Variants in ALOX5 observed in about 807,000 individuals in gnomAD.
The protein encoded by ALOX5 is arachidonate 5-lipoxygenase, also known as polyunsaturated fatty acid 5-lipoxygenase.
In ALOX5, 64 loss-of-function variants were observed where a neutral mutation model predicts 87.9. The ratio of observed to expected loss-of-function variants is 0.73; its 90% CI spans 0.60 to 0.90. The LOEUF (loss-of-function observed/expected upper bound fraction) is 0.90. Ranked by LOEUF, ALOX5 falls within the 40% of genes least tolerant of loss-of-function variation. The probability of loss-of-function intolerance (pLI) is 0.00; values close to 1 mark genes in which losing one functional copy is unlikely to be tolerated. For missense variants in ALOX5, 822 were observed against 907.5 expected, an observed-to-expected ratio of 0.91 and a Z score of 1.21; for synonymous variants, 388 against 355.1, an observed-to-expected ratio of 1.09 and a Z score of -1.04.
rs746702651 is a variant in ALOX5 at position 45,445,520 on chromosome 10, A to G, written c.1858A>G (p.Met620Val). 16 of 1,613,718 alleles carry G rather than the reference A, an allele frequency of 9.9e-6. 1 individual carries two copies. In the Admixed American group the frequency reaches 2.7e-4, roughly 27 times the overall value. ...TCTGGGCCCTCAGCTGTTCCTGGGC[A>G]TGTACCCAGAAGAGCATTTTATCGA... ...QFQENELFLG[M>V]YPEEHFIEKP... The change falls in exon 14 of 14, where the codon ATG becomes GTG. Residue 620 changes from methionine (M) to valine (V), a missense_variant. Met to Val is a conservative substitution (Grantham distance 21). Coordinates refer to ENST00000374391, the MANE Select transcript of ALOX5 (RefSeq NM_000698.5).
At chr10:45,379,756 G>A (rs1839763181) in intron 1 of ALOX5, among the ~76,000 whole-genome samples, 1 of 152,152 alleles carries the variant, frequency 6.6e-6, no homozygotes, top group Admixed American at 6.5e-5. Context: ...GGTCCTGCAA[G>A]TGAGGGGTAT....
At chr10:45,403,553 T>A (rs1022902782) in intron 3 of ALOX5, among the ~76,000 whole-genome samples, 1 of 152,180 alleles carries the variant, frequency 6.6e-6, no homozygotes, top group Non-Finnish European at 1.5e-5. Flanking sequence ...TACAGGTGTT[T>A]TGTACATTTT....
At chr10:45,383,956 C>T (rs906711794) in intron 2 of ALOX5, among the ~76,000 whole-genome samples, 3 of 152,130 alleles carry the variant, frequency 2.0e-5, no homozygotes, top group Non-Finnish European at 4.4e-5. Context: ...CCCAAGGTCT[C>T]GGTTATGAAG....
At chr10:45,440,075 G>A (rs968539952) in intron 7 of ALOX5, among the ~76,000 whole-genome samples, 2 of 152,184 alleles carry the variant, frequency 1.3e-5, no homozygotes, top group African/African-American at 4.8e-5. Flanking sequence ...AAGGAGGGAA[G>A]AGGGGGACAG....
chr10:45,394,309 C>A (rs1275091390), intron 2 of ALOX5, among the ~76,000 whole-genome samples: 1 of 152,224 alleles, frequency 6.6e-6, no homozygotes, highest in Non-Finnish European at 1.5e-5. Context: ...CACACATCTA[C>A]AACCATCTGA....
At position 45,444,106 on chromosome 10, in the gene ALOX5, G is replaced by C; in HGVS notation, c.1675-10G>C. 6.6e-7 allele frequency: 1 copy of C among 1,525,316 alleles called. No individual in the cohort carries two copies. The highest frequency in any genetic ancestry group is 1.2e-5 in the South Asian group (1 of 82,112). The allele number at this position is 1,525,316 out of a possible 1,614,324, so 94.5% of individuals were successfully genotyped here. The stretch of plus-strand genomic sequence containing the variant: ...GGGGTGCCCACGCTTGCTGGCGGTC[G>C]TCTCCGCAGTACGACTGGTGCTCCT... On this transcript the variant is annotated splice_polypyrimidine_tract_variant and intron_variant, in intron 12 of 13. Coordinates refer to ENST00000374391, the MANE Select transcript of ALOX5 (RefSeq NM_000698.5).
At chr10:45,379,438 TC>T (rs1334738035) in intron 1 of ALOX5, among the ~76,000 whole-genome samples, 1 of 152,148 alleles carries the variant, frequency 6.6e-6, no homozygotes, top group East Asian at 1.9e-4. Flanking sequence ...CCTCCCACTC[TC>T]CCTCTGTCCT....
chr10:45,425,647 G>A lies in ALOX5; in HGVS notation c.834+515G>A, dbSNP rs1309840214. On this transcript the variant is annotated intron_variant, in intron 6 of 13. Transcript: ENST00000374391. The surrounding 1 kb of genome is among the most constrained non-coding windows in gnomAD (Gnocchi z 4.4). ...CGCACCCTCCTCCCCACCCTCACCTGCAGACTCAGCTGCCTCCGGCTGCAA... is the reference window on the plus strand; with the variant it reads ...CGCACCCTCCTCCCCACCCTCACCTACAGACTCAGCTGCCTCCGGCTGCAA... Among the ~76,000 whole-genome samples, 1 of 152,194 alleles carries A rather than the reference G, an allele frequency of 6.6e-6. No homozygotes were observed. Among genetic ancestry groups the A allele is most frequent in the Non-Finnish European group, 1.5e-5 (1 of 68,024 alleles).
chr10:45,406,966 T>C (rs1840907954), intron 3 of ALOX5, among the ~76,000 whole-genome samples: 1 of 152,240 alleles, frequency 6.6e-6, no homozygotes, highest in African/African-American at 2.4e-5. Context: ...TTATAATGCA[T>C]ATTCTTTGCT....
intron 6 of ALOX5, among the ~76,000 whole-genome samples, chr10:45,427,469 A>G (rs550302095): frequency 6.6e-6 from 1 of 152,196 alleles, no homozygotes; most frequent in African/African-American, 2.4e-5. Flanking sequence ...CACACCACAT[A>G]AAGGAGGAGG....
At chr10:45,399,320 G>C (rs529006947) in intron 3 of ALOX5, among the ~76,000 whole-genome samples, 8 of 152,358 alleles carry the variant, frequency 5.3e-5, no homozygotes, top group Non-Finnish European at 1.2e-4. Context: ...GGGAGTGACA[G>C]CTAAAGGATA....
At chr10:45,431,287 A>G (rs1478265462) in intron 7 of ALOX5, among the ~76,000 whole-genome samples, 1 of 152,162 alleles carries the variant, frequency 6.6e-6, no homozygotes, top group Non-Finnish European at 1.5e-5. Context: ...GTTTTTATTC[A>G]ACATTATTTT....
chr10:45,432,187 TAA>T lies in ALOX5; in HGVS notation c.981+3436_981+3437del, dbSNP rs777990713. On this transcript the variant is annotated intron_variant, in intron 7 of 13. Transcript: ENST00000374391. ...GGCAACCAAGTGAGACCTCATGTCT[TAA>T]AAAAAAAAAAAATTAATAGAAAAAA... Among the ~76,000 whole-genome samples the T allele has an allele frequency of 4.1e-3, 574 of 140,712 alleles. 12 individuals are homozygous for T. In the East Asian group the frequency reaches 0.055, roughly 14 times the overall value. The allele number at this position is 140,712 out of a possible 152,430, so 92.3% of individuals were successfully genotyped here.
intron 4 of ALOX5, among the ~76,000 whole-genome samples, chr10:45,414,218 T>C (rs978183180): frequency 2.0e-5 from 3 of 152,196 alleles, no homozygotes; most frequent in African/African-American, 7.2e-5. Flanking sequence ...CAAAACAGCA[T>C]GGCACTGGTA....
At chr10:45,383,602 G>A (rs902185881) in intron 2 of ALOX5, among the ~76,000 whole-genome samples, 2 of 152,208 alleles carry the variant, frequency 1.3e-5, no homozygotes, top group Non-Finnish European at 2.9e-5. Flanking sequence ...TGTTCTTCAC[G>A]AAGTTTGGTG....
At chr10:45,421,652 G>A (rs1318598273) in intron 4 of ALOX5, among the ~76,000 whole-genome samples, 1 of 152,230 alleles carries the variant, frequency 6.6e-6, no homozygotes, top group Non-Finnish European at 1.5e-5. Flanking sequence ...CCAGTGCCTG[G>A]CTGCTGGTCG....
At chr10:45,437,967 A>T (rs1006738406) in intron 7 of ALOX5, among the ~76,000 whole-genome samples, 16 of 152,244 alleles carry the variant, frequency 1.1e-4, no homozygotes, top group Admixed American at 9.2e-4. Context: ...TTTTCCTTGC[A>T]GTACCGAGGA....
chr10:45,377,372 C>G (rs1839654223), intron 1 of ALOX5, among the ~76,000 whole-genome samples: 1 of 151,646 alleles, frequency 6.6e-6, no homozygotes, highest in Non-Finnish European at 1.5e-5. Context: ...TTCCCCTGCT[C>G]CCAGTTCCCT....
rs1841673870 is a variant in ALOX5, at chr10:45,425,462, G to A, written c.834+330G>A. On this transcript the variant is annotated intron_variant, in intron 6 of 13. Transcript: ENST00000374391. This position sits in a 1 kb window ranked among gnomAD's most constrained non-coding sequence, Gnocchi z 4.4. The stretch of plus-strand genomic sequence containing the variant: ...CTGTGGTGGGACAGGCATTGTGACA[G>A]GTGCTTTACACACAAGGTCATCAGT... 6.6e-6 allele frequency among the ~76,000 whole-genome samples: 1 copy of A among 152,284 alleles called. No individual in the cohort carries two copies. The highest frequency in any genetic ancestry group is 6.5e-5 in the Admixed American group (1 of 15,300).
Sources: gnomAD v4.1 joint callset for allele counts (sites outside exome capture counted in the v4.1 genomes callset) on GRCh38, gnomAD v4.1.1 for gene constraint, Gnocchi (gnomAD v3.1) non-coding constraint, MANE v1.5 for transcripts, NCBI Gene and HGNC (gene_info 2026-07-23, HGNC 2026-07-21) for gene names.